Variants in FAM171B observed in about 807,000 individuals in gnomAD.
The protein encoded by FAM171B is protein FAM171B.
A neutral mutation model predicts 75.6 loss-of-function variants in FAM171B; 19 were observed. That is an observed-to-expected ratio of 0.25 (90% CI 0.18 to 0.37). The LOEUF is 0.37. Among genes scored for constraint, FAM171B ranks in the 10% least tolerant of loss-of-function variants. The pLI is 1.00. For missense variants in FAM171B, 848 were observed against 982.4 expected (o/e 0.86, Z 1.83); for synonymous variants, 367 against 361.7 (o/e 1.01, Z -0.17).
chr2:186,731,477 T>C (rs985519758), intron 1 of FAM171B, among the ~76,000 whole-genome samples: 1 of 152,182 alleles, frequency 6.6e-6, no homozygotes, highest in Non-Finnish European at 1.5e-5. Flanking sequence ...CTTATATTAG[T>C]TGGGTGCTTT....
At chr2:186,707,558 T>G (rs1157136521) in intron 1 of FAM171B, among the ~76,000 whole-genome samples, 1 of 152,164 alleles carries the variant, frequency 6.6e-6, no homozygotes, top group Non-Finnish European at 1.5e-5. Context: ...TAAGTACACA[T>G]TAGTTACATT....
Position 186,762,117 on chromosome 2 carries a change from A to G in FAM171B, c.1775A>G (p.His592Arg), listed in dbSNP as rs1381527451. ...CAGACCTTGCCCAAAATGCCAATTC[A>G]TTCTCATGCACAGCCCCCAGATGCC... ...FTQTLPKMPI[H>R]SHAQPPDARE... is the part of the protein sequence containing the mutation. Residue 592 changes from histidine to arginine, a missense_variant, in exon 8 of 8, where the codon CAT (histidine) becomes CGT (arginine). This residue lies in a region of FAM171B where 665 missense variants were observed against 729.0 expected (regional missense o/e 0.91). Transcript: ENST00000304698. The surrounding 1 kb of genome is among the most constrained non-coding windows in gnomAD (Gnocchi z 4.0). 3 of 1,613,746 alleles carry G rather than the reference A, an allele frequency of 1.9e-6. No homozygotes were observed. Among genetic ancestry groups the G allele is most frequent in the South Asian group, 1.1e-5 (1 of 91,076 alleles).
chr2:186,753,389 T>C (rs1334182010), intron 5 of FAM171B, among the ~76,000 whole-genome samples: 3 of 152,210 alleles, frequency 2.0e-5, no homozygotes, highest in Non-Finnish European at 2.9e-5. Flanking sequence ...TCTTAATTAG[T>C]ATGCCAAAAA....
chr2:186,706,431 A>G (rs1287354852), intron 1 of FAM171B, among the ~76,000 whole-genome samples: 3 of 152,212 alleles, frequency 2.0e-5, no homozygotes, highest in Non-Finnish European at 4.4e-5. Context: ...ATTACACTGG[A>G]AATGCAAGAG....
At chr2:186,711,669 A>T (rs1689811093) in intron 1 of FAM171B, among the ~76,000 whole-genome samples, 1 of 152,022 alleles carries the variant, frequency 6.6e-6, no homozygotes, top group South Asian at 2.1e-4. Context: ...TTGCCTCAGC[A>T]AATTCTGGTT....
rs77331466 is a variant in FAM171B at position 186,761,493 on chromosome 2, C to G, written c.1151C>G (p.Thr384Ser). The G allele has an allele frequency of 1.9e-5, 30 of 1,573,704 alleles. No homozygotes were observed. Among genetic ancestry groups the G allele is most frequent in the African/African-American group, 2.8e-5 (2 of 72,704 alleles). The change falls in exon 8 of 8, where the codon ACT becomes AGT. Residue 384 changes from threonine (T) to serine (S), a missense_variant. This residue lies in a region of FAM171B where 665 missense variants were observed against 729.0 expected (regional missense o/e 0.91). Transcript: ENST00000304698. ...LLCYCRDKCGTPQKRERNITK... is the reference protein window; with the variant it reads ...LLCYCRDKCGSPQKRERNITK... The stretch of plus-strand genomic sequence containing the variant: ...TTCTACTCTAGGGACAAGTGTGGTA[C>G]TCCACAGAAAAGAGAAAGAAATATC...
intron 1 of FAM171B, among the ~76,000 whole-genome samples, chr2:186,726,115 A>G (rs1238628369): frequency 6.6e-6 from 1 of 152,188 alleles, no homozygotes; most frequent in East Asian, 1.9e-4. Flanking sequence ...CTTCAGTCCT[A>G]ATGGATAAAA....
At chr2:186,747,019 A>G in intron 3 of FAM171B, 73 bp from the exon 4 acceptor site, 2 of 1,145,020 alleles carry the variant, frequency 1.7e-6, no homozygotes, top group Non-Finnish European at 1.2e-6. Context: ...CTTTTAAAGT[A>G]AGACATCCTG....
At chr2:186,758,508 A>T (rs1047679262) in intron 6 of FAM171B, among the ~76,000 whole-genome samples, 1 of 152,124 alleles carries the variant, frequency 6.6e-6, no homozygotes, top group African/African-American at 2.4e-5. Flanking sequence ...CAGCTGCCCC[A>T]CCACTCACTC....
chr2:186,750,153 A>G (rs1367412353), intron 4 of FAM171B, among the ~76,000 whole-genome samples: 1 of 152,174 alleles, frequency 6.6e-6, no homozygotes, highest in Non-Finnish European at 1.5e-5. Context: ...GATAAAAAGT[A>G]TACTTTCTCC....
rs1447532211 is a variant in FAM171B, at chr2:186,762,481, G to A, written c.2139G>A (p.Glu713=). 3 of 1,613,548 alleles carry A rather than the reference G, an allele frequency of 1.9e-6. No individual in the cohort carries two copies. In the East Asian group the frequency reaches 6.7e-5, roughly 36 times the overall value. The change falls in exon 8 of 8, where the codon GAG becomes GAA. Residue 713 remains glutamate (E), a synonymous_variant. Coordinates refer to ENST00000304698, the MANE Select transcript of FAM171B (RefSeq NM_177454.4). The surrounding 1 kb of genome is among the most constrained non-coding windows in gnomAD (Gnocchi z 4.0). Reference sequence around the variant, plus strand: ...TGGACTCTGGGGTGGACATGAATGAGCTTCACTCAAGTAGAAAGCTCGAGA... The same window carrying A: ...TGGACTCTGGGGTGGACATGAATGAACTTCACTCAAGTAGAAAGCTCGAGA... The part of the protein sequence containing the change: ...TSLDSGVDMN[E]LHSSRKLERE...
chr2:186,752,270 C>T (rs1383971031), intron 5 of FAM171B, among the ~76,000 whole-genome samples: 2 of 152,088 alleles, frequency 1.3e-5, no homozygotes, highest in Admixed American at 1.3e-4. Context: ...GGATGGGACC[C>T]TAAACTGATC....
chr2:186,751,045 T>G lies in FAM171B; in HGVS notation c.725-89T>G, dbSNP rs1178027841. 1.0e-5 allele frequency: 10 copies of G among 972,888 alleles called. No homozygotes were observed. The East Asian group carries it at 2.2e-4, about 21-fold the overall frequency. The allele number at this position is 972,888 out of a possible 1,614,324, so 60.3% of individuals were successfully genotyped here. On this transcript the variant is annotated intron_variant, in intron 4 of 7. Transcript: ENST00000304698. Reference sequence around the variant, plus strand: ...TTAAAATAGATAACCCTTGGTGAAATAGAGGAACTATTTATTTTAGACCTA... The same window carrying G: ...TTAAAATAGATAACCCTTGGTGAAAGAGAGGAACTATTTATTTTAGACCTA...
Position 186,694,422 on chromosome 2 carries a change from G to T in FAM171B, c.238+11G>T. 1.2e-6 allele frequency: 2 copies of T among 1,606,074 alleles called. No individual in the cohort carries two copies. The highest frequency in any genetic ancestry group is 1.7e-6 in the Non-Finnish European group (2 of 1,175,298). On this transcript the variant is annotated intron_variant, in intron 1 of 7. Coordinates refer to ENST00000304698, the MANE Select transcript of FAM171B (RefSeq NM_177454.4). ...CCTTGACGGTTCCAGGTAGGTCCTG[G>T]CTGCCCAGCCCGGTCTTTCAGTCTC...
At position 186,762,688 on chromosome 2, in the gene FAM171B, G is replaced by A; in HGVS notation, c.2346G>A (p.Arg782=). 6.2e-7 allele frequency: 1 copy of A among 1,613,074 alleles called. No individual in the cohort carries two copies. The highest frequency in any genetic ancestry group is 8.5e-7 in the Non-Finnish European group (1 of 1,179,594). ...ACCCTGGAGAAGAGTCGCCAGGAAG[G>A]AAAAGCACTGTTGAAGATTTTGAAG... ...MEHPGEESPG[R]KSTVEDFEAN... is the part of the protein sequence containing the mutation. The change falls in exon 8 of 8, where the codon AGG becomes AGA. Residue 782 remains arginine, a synonymous_variant. Transcript: ENST00000304698. The surrounding 1 kb of genome is among the most constrained non-coding windows in gnomAD (Gnocchi z 4.0).
chr2:186,740,830 T>C (rs530893387), intron 2 of FAM171B, among the ~76,000 whole-genome samples: 1 of 152,320 alleles, frequency 6.6e-6, no homozygotes, highest in East Asian at 1.9e-4. Flanking sequence ...GGGCCTGTTT[T>C]AGTTCTGAGA....
chr2:186,750,074 T>C (rs1471744562), intron 4 of FAM171B, among the ~76,000 whole-genome samples: 1 of 152,190 alleles, frequency 6.6e-6, no homozygotes, highest in East Asian at 1.9e-4. Context: ...TTGTAAATAT[T>C]TGTTAAATGA....
intron 1 of FAM171B, among the ~76,000 whole-genome samples, chr2:186,720,700 C>CAAAAAAAAAAAAAAAAAAAAA (rs71411184): frequency 9.1e-6 from 1 of 110,244 alleles, no homozygotes; most frequent in Non-Finnish European, 1.8e-5. Flanking sequence ...AGATCATGTA[C>CAAAAAAAAAAAAAAAAAAAAA]AAAAAAAAAA....
intron 5 of FAM171B, among the ~76,000 whole-genome samples, chr2:186,753,547 G>A (rs1005541936): frequency 8.5e-5 from 13 of 152,088 alleles, no homozygotes; most frequent in African/African-American, 2.9e-4. Flanking sequence ...GTTTATTTCA[G>A]TACCTATTAC....
Sources: gnomAD v4.1 joint callset for allele counts (sites outside exome capture counted in the v4.1 genomes callset) on GRCh38, gnomAD v4.1.1 for gene constraint, gnomAD v4.1.1 regional missense constraint, Gnocchi (gnomAD v3.1) non-coding constraint, MANE v1.5 for transcripts, NCBI Gene and HGNC (gene_info 2026-07-23, HGNC 2026-07-21) for gene names.